Variants in FNDC3A observed in about 807,000 individuals in gnomAD.
FNDC3A encodes the protein fibronectin type III domain containing 3A, also known as fibronectin type-III domain-containing protein 3A.
In FNDC3A, 32 loss-of-function variants were observed where a neutral mutation model predicts 148.9. That is an observed-to-expected ratio of 0.21 (90% CI 0.16 to 0.29). FNDC3A has a LOEUF of 0.29. Among genes scored for constraint, FNDC3A ranks in the 10% least tolerant of loss-of-function variants. The pLI is 1.00. For missense variants in FNDC3A, 1,191 were observed against 1,452.8 expected (o/e 0.82, Z 2.93); for synonymous variants, 472 against 473.6 (o/e 1.00, Z 0.04).
intron 2 of FNDC3A, among the ~76,000 whole-genome samples, chr13:49,054,465 A>G (rs1876080015): frequency 6.6e-6 from 1 of 152,220 alleles, no homozygotes; most frequent in South Asian, 2.1e-4. Context: ...ACTTCATTCA[A>G]CATAATCTTG....
At chr13:49,117,959 T>TG (rs1372321040) in intron 4 of FNDC3A, among the ~76,000 whole-genome samples, 2 of 152,210 alleles carry the variant, frequency 1.3e-5, no homozygotes, top group Non-Finnish European at 2.9e-5. Context: ...ATGTAGTAAG[T>TG]GTCCCATAAA....
At chr13:49,170,689 A>G (rs1436057340) in intron 10 of FNDC3A, among the ~76,000 whole-genome samples, 3 of 152,110 alleles carry the variant, frequency 2.0e-5, no homozygotes, top group African/African-American at 7.2e-5. Flanking sequence ...GGTTCTTTGA[A>G]GCCCTCATTT....
chr13:49,194,177 C>T (rs1351385796), intron 19 of FNDC3A, among the ~76,000 whole-genome samples: 2 of 152,038 alleles, frequency 1.3e-5, no homozygotes, highest in South Asian at 4.2e-4. Flanking sequence ...GCACAAGAAT[C>T]GCTTGAACCC....
intron 2 of FNDC3A, chr13:49,045,547 A>G (rs1407536918): frequency 6.3e-6 from 2 of 316,212 alleles, no homozygotes; most frequent in East Asian, 5.2e-5. Context: ...CATTTCTACT[A>G]CTTCCTCAGT....
chr13:49,145,494 A>G (rs766771752), intron 7 of FNDC3A, among the ~76,000 whole-genome samples: 2 of 152,116 alleles, frequency 1.3e-5, no homozygotes, highest in Non-Finnish European at 1.5e-5. Flanking sequence ...CCTTTCAAAC[A>G]TGTTACAATG....
At chr13:49,160,500 C>G (rs1884029366) in intron 8 of FNDC3A, among the ~76,000 whole-genome samples, 1 of 151,906 alleles carries the variant, frequency 6.6e-6, no homozygotes, top group African/African-American at 2.4e-5. Flanking sequence ...CTATTTGATT[C>G]TTCTCTCTTT....
intron 2 of FNDC3A, among the ~76,000 whole-genome samples, chr13:49,048,476 T>A (rs1254084916): frequency 6.6e-6 from 1 of 152,174 alleles, no homozygotes; most frequent in Non-Finnish European, 1.5e-5. Context: ...TTTCTATTTG[T>A]GTCATCTGTG....
chr13:49,166,259 AG>A (rs1046300781), intron 8 of FNDC3A, among the ~76,000 whole-genome samples: 2 of 152,150 alleles, frequency 1.3e-5, no homozygotes, highest in African/African-American at 4.8e-5. Context: ...GCAGACAGGA[AG>A]TTTGTCCTTG....
At chr13:49,062,503 A>G (rs976817067) in intron 2 of FNDC3A, among the ~76,000 whole-genome samples, 1 of 152,108 alleles carries the variant, frequency 6.6e-6, no homozygotes, top group Non-Finnish European at 1.5e-5. Flanking sequence ...AATGTTAGCT[A>G]TGCCACACTA....
chr13:49,050,646 C>A (rs946328670), intron 2 of FNDC3A, among the ~76,000 whole-genome samples: 1 of 152,052 alleles, frequency 6.6e-6, no homozygotes, highest in Non-Finnish European at 1.5e-5. Flanking sequence ...TCTGTAAATA[C>A]CTGTTAAGTC....
chr13:48,998,322 A>G (rs1952060223), intron 1 of FNDC3A, among the ~76,000 whole-genome samples: 1 of 152,180 alleles, frequency 6.6e-6, no homozygotes, highest in Admixed American at 6.5e-5. Flanking sequence ...GAAATATAAA[A>G]AGCTCAAAAA....
chr13:49,198,209 A>G lies in FNDC3A; in HGVS notation c.2718A>G (p.Thr906=), dbSNP rs1402696742. The change falls in exon 22 of 26, where the codon ACA becomes ACG. Residue 906 remains threonine, a synonymous_variant. Coordinates refer to ENST00000492622, the MANE Select transcript of FNDC3A (RefSeq NM_001079673.2). The stretch of plus-strand genomic sequence containing the variant: ...ACTTTGGAGATAAACAATCCCTAAC[A>G]GTGGGAAAGGTTACAAGCTATATTA... The part of the protein sequence containing the change: ...SIDFGDKQSL[T]VGKVTSYIIN... 3.7e-6 allele frequency: 6 copies of G among 1,613,978 alleles called. No individual in the cohort carries two copies. The highest frequency in any genetic ancestry group is 5.1e-6 in the Non-Finnish European group (6 of 1,179,934).
chr13:49,127,779 C>G (rs1881788950), intron 4 of FNDC3A, among the ~76,000 whole-genome samples: 1 of 152,228 alleles, frequency 6.6e-6, no homozygotes, highest in Admixed American at 6.5e-5. Flanking sequence ...ACTTGTTCTA[C>G]TCCACAGCCT....
At chr13:49,077,186 T>C (rs1484814589) in intron 3 of FNDC3A, among the ~76,000 whole-genome samples, 4 of 152,180 alleles carry the variant, frequency 2.6e-5, no homozygotes, top group Admixed American at 6.5e-5. Context: ...GGTTGGAAGA[T>C]TGCTTGAGCC....
chr13:49,100,445 G>A (rs890454091), intron 3 of FNDC3A, among the ~76,000 whole-genome samples: 1 of 152,086 alleles, frequency 6.6e-6, no homozygotes, highest in African/African-American at 2.4e-5. Context: ...CTTACGCTAA[G>A]CGTTATTCCC....
intron 5 of FNDC3A, among the ~76,000 whole-genome samples, chr13:49,132,832 A>G (rs753901873): frequency 5.9e-5 from 9 of 152,170 alleles, no homozygotes; most frequent in Non-Finnish European, 1.2e-4. Context: ...TTACCTTGTT[A>G]GTCTCTAGCA....
intron 13 of FNDC3A, among the ~76,000 whole-genome samples, chr13:49,176,580 A>G (rs903306673): frequency 4.2e-4 from 64 of 152,270 alleles, no homozygotes; most frequent in African/African-American, 1.5e-3. Context: ...ATGTATACCT[A>G]TGTAACAAAC....
chr13:49,130,600 A>G (rs1324647522), intron 4 of FNDC3A, among the ~76,000 whole-genome samples: 1 of 152,148 alleles, frequency 6.6e-6, no homozygotes, highest in Non-Finnish European at 1.5e-5. Flanking sequence ...GTTACTCTTT[A>G]GCTTGTCTAA....
intron 3 of FNDC3A, among the ~76,000 whole-genome samples, chr13:49,101,794 GTTTTTTTTTT>G (rs570292116): frequency 8.7e-5 from 9 of 103,374 alleles, no homozygotes; most frequent in Non-Finnish European, 1.4e-4. Context: ...ACCTGCTTTA[GTTTTTTTTTT>G]TTTTTTTTTT....
Sources: gnomAD v4.1 joint callset for allele counts (sites outside exome capture counted in the v4.1 genomes callset) on GRCh38, gnomAD v4.1.1 for gene constraint, MANE v1.5 for transcripts, NCBI Gene and HGNC (gene_info 2026-07-23, HGNC 2026-07-21) for gene names.